The following CTNNA3 variants were observed in gnomAD, a reference collection of about 807,000 sequenced individuals.
The protein encoded by CTNNA3 is catenin alpha 3.
A neutral mutation model predicts 95.7 loss-of-function variants in CTNNA3; 76 were observed. The observed-to-expected ratio is 0.79, with a 90% confidence interval of 0.66 to 0.96. CTNNA3 has a LOEUF of 0.96. Ranked by LOEUF, CTNNA3 falls within the 40% of genes least tolerant of loss-of-function variation. The pLI, the probability that CTNNA3 is intolerant of heterozygous loss-of-function variation, is 0.00. For synonymous variants in CTNNA3, 431 were observed against 374.4 expected, an observed-to-expected ratio of 1.15 and a Z score of -1.74; for missense variants, 1,191 against 1,089.8, an observed-to-expected ratio of 1.09 and a Z score of -1.31.
intron 7 of CTNNA3, among the ~76,000 whole-genome samples, chr10:67,002,828 G>A (rs1407689943): frequency 6.6e-6 from 1 of 151,964 alleles, no homozygotes; most frequent in Non-Finnish European, 1.5e-5. Context: ...ATTTGATTAT[G>A]AATGTCTTCA....
At chr10:67,509,979 A>G (rs1186052955) in intron 5 of CTNNA3, among the ~76,000 whole-genome samples, 1 of 152,220 alleles carries the variant, frequency 6.6e-6, no homozygotes, top group Non-Finnish European at 1.5e-5. Context: ...TGTTGGCTGC[A>G]TAAATGTCTT....
intron 7 of CTNNA3, among the ~76,000 whole-genome samples, chr10:67,143,439 A>AAAAAAAAAAAAAAAAAAAAC (rs1860689066): frequency 6.6e-6 from 1 of 150,642 alleles, no homozygotes; most frequent in Non-Finnish European, 1.5e-5. Flanking sequence ...AAAAAAAAAA[A>AAAAAAAAAAAAAAAAAAAAC]AAAAAAAATT....
At position 66,025,865 on chromosome 10, in the gene CTNNA3, C is replaced by A. The variant is rs1263114239; in HGVS notation, c.2160-37068G>T. Among the ~76,000 whole-genome samples, 3 of 152,124 alleles carry A rather than the reference C, an allele frequency of 2.0e-5. No individual in the cohort carries two copies. In the East Asian group the frequency reaches 5.8e-4, roughly 29 times the overall value. ...TCTATGTGATAGATTAGTGAATTAG[C>A]TGCAACAAAATATCCTACATGACCA... On this transcript the variant is annotated intron_variant, in intron 15 of 17. Transcript: ENST00000433211.
At chr10:66,388,102 G>T (rs1418254474) in intron 11 of CTNNA3, among the ~76,000 whole-genome samples, 1 of 151,916 alleles carries the variant, frequency 6.6e-6, no homozygotes, top group African/African-American at 2.4e-5. Flanking sequence ...AGTAGTAAAA[G>T]AAAGAAGAAG....
chr10:66,853,119 G>T (rs1564724757), intron 7 of CTNNA3, among the ~76,000 whole-genome samples: 1 of 152,028 alleles, frequency 6.6e-6, no homozygotes. Context: ...ACTATTTTAT[G>T]ATACAGGAGC....
At chr10:65,997,833 A>G (rs2078694820) in intron 15 of CTNNA3, among the ~76,000 whole-genome samples, 1 of 152,218 alleles carries the variant, frequency 6.6e-6, no homozygotes, top group Admixed American at 6.5e-5. Flanking sequence ...CCTGAGCAAC[A>G]TGGAGAAACC....
chr10:66,772,275 A>G (rs1187366176), intron 8 of CTNNA3, among the ~76,000 whole-genome samples: 2 of 152,000 alleles, frequency 1.3e-5, no homozygotes, highest in African/African-American at 2.4e-5. Flanking sequence ...AATACAAAAA[A>G]GTAGCAGGGT....
chr10:66,208,169 A>C (rs529992541), intron 13 of CTNNA3, among the ~76,000 whole-genome samples: 1 of 152,118 alleles, frequency 6.6e-6, no homozygotes, highest in African/African-American at 2.4e-5. Flanking sequence ...ACGACTAATG[A>C]TCTTGGTTTC....
intron 12 of CTNNA3, among the ~76,000 whole-genome samples, chr10:66,303,679 G>T (rs1255006590): frequency 3.9e-5 from 6 of 152,150 alleles, no homozygotes; most frequent in African/African-American, 1.4e-4. Context: ...CTGTCACCCA[G>T]GCTGTAGTGT....
intron 10 of CTNNA3, among the ~76,000 whole-genome samples, chr10:66,573,515 A>C (rs1842927079): frequency 6.6e-6 from 1 of 152,194 alleles, no homozygotes; most frequent in South Asian, 2.1e-4. Context: ...TGCTTCACAA[A>C]ATTTTACTGA....
At chr10:67,216,535 T>C (rs970406837) in intron 6 of CTNNA3, among the ~76,000 whole-genome samples, 1 of 152,192 alleles carries the variant, frequency 6.6e-6, no homozygotes, top group Non-Finnish European at 1.5e-5. Context: ...CATTCATTCA[T>C]GCATTCATTG....
intron 5 of CTNNA3, among the ~76,000 whole-genome samples, chr10:67,399,782 T>A (rs1383767284): frequency 6.6e-6 from 1 of 152,204 alleles, no homozygotes; most frequent in African/African-American, 2.4e-5. Context: ...ACTATAAGCA[T>A]TATGGTAACC....
intron 7 of CTNNA3, chr10:66,928,159 A>C: frequency 6.2e-7 from 1 of 1,614,048 alleles, no homozygotes; most frequent in Non-Finnish European, 8.5e-7. Context: ...CGCCGAGCAC[A>C]TCTCTTTCCA....
intron 5 of CTNNA3, among the ~76,000 whole-genome samples, chr10:67,400,994 T>C (rs755710485): frequency 1.3e-5 from 2 of 152,194 alleles, no homozygotes; most frequent in African/African-American, 2.4e-5. Flanking sequence ...ACTTCAGATA[T>C]AAAATTTTCA....
intron 9 of CTNNA3, among the ~76,000 whole-genome samples, chr10:66,690,658 T>C (rs927996088): frequency 7.1e-6 from 1 of 141,162 alleles, no homozygotes; most frequent in African/African-American, 3.2e-5. Context: ...GAACTCATCA[T>C]TTTTTATGGC....
Position 66,395,304 on chromosome 10 carries a change from T to A in CTNNA3, c.1532-15952A>T, listed in dbSNP as rs139767259. ...GACAAATTCTCTTCAGCATCATTTG[T>A]AATTGCTTCAAGGAAACCATAACTA... is the stretch of plus-strand genomic sequence containing the variant. On this transcript the variant is annotated intron_variant, in intron 11 of 17. Transcript: ENST00000433211. 4.1e-3 allele frequency among the ~76,000 whole-genome samples: 621 copies of A among 152,178 alleles called. 5 individuals are homozygous for A. The highest frequency in any genetic ancestry group is 0.014 in the African/African-American group (580 of 41,564).
At chr10:66,381,980 G>A (rs2092843032) in intron 11 of CTNNA3, among the ~76,000 whole-genome samples, 1 of 152,142 alleles carries the variant, frequency 6.6e-6, no homozygotes, top group Non-Finnish European at 1.5e-5. Context: ...TGGCCAAATA[G>A]GAGCAGCTCC....
chr10:67,760,782 T>C (rs1215284688), intron 1 of CTNNA3, among the ~76,000 whole-genome samples: 1 of 152,154 alleles, frequency 6.6e-6, no homozygotes, highest in South Asian at 2.1e-4. Context: ...GTGATGTAGG[T>C]TGTGTGTTCC....
Position 67,532,815 on chromosome 10 carries a change from G to A in CTNNA3, c.459+6688C>T, listed in dbSNP as rs138665034. ...TTCACAAAACCCTTTCAAGGTATTC[G>A]GAATAAGTTTTATTCTCCCCATAAC... On this transcript the variant is annotated intron_variant, in intron 4 of 17. Transcript: ENST00000433211. 2.2e-3 allele frequency among the ~76,000 whole-genome samples: 342 copies of A among 152,130 alleles called. 2 individuals are homozygous for A. Among genetic ancestry groups the A allele is most frequent in the Middle Eastern group, 0.014 (4 of 294 alleles).
Sources: gnomAD v4.1 joint callset for allele counts (sites outside exome capture counted in the v4.1 genomes callset) on GRCh38, gnomAD v4.1.1 for gene constraint, MANE v1.5 for transcripts, NCBI Gene and HGNC (gene_info 2026-07-23, HGNC 2026-07-21) for gene names.